LCLAT1: variants seen among roughly 807,000 people sequenced by gnomAD.
The protein encoded by LCLAT1 is lysocardiolipin acyltransferase 1.
LCLAT1 carries 11 observed loss-of-function variants against 30.7 expected under a neutral mutation model. The observed-to-expected ratio is 0.36, with a 90% CI of 0.23 to 0.59. The LOEUF is 0.59. Ranked by LOEUF, LCLAT1 falls within the 20% of genes least tolerant of loss-of-function variation. The pLI, the probability that LCLAT1 is intolerant of heterozygous loss-of-function variation, is 0.77. For synonymous variants in LCLAT1, 155 were observed against 151.3 expected, an observed-to-expected ratio of 1.02 and a Z score of -0.18; for missense variants, 402 against 458.6, an observed-to-expected ratio of 0.88 and a Z score of 1.13.
chr2:30,532,197 T>C (rs954999954), intron 2 of LCLAT1, among the ~76,000 whole-genome samples: 7 of 152,220 alleles, frequency 4.6e-5, no homozygotes, highest in African/African-American at 1.7e-4. Context: ...TAGGTACTTG[T>C]AGTTCATCTA....
chr2:30,604,438 C>T (rs956996796), intron 5 of LCLAT1, among the ~76,000 whole-genome samples: 2 of 152,086 alleles, frequency 1.3e-5, no homozygotes, highest in African/African-American at 2.4e-5. Context: ...GGTCGCTTTC[C>T]AAACTACTTA....
rs148639250 is a variant in LCLAT1 at position 30,476,570 on chromosome 2, T to A, written c.-5+29187T>A. On this transcript the variant is annotated intron_variant, in intron 1 of 5. Transcript: ENST00000379509. ...GATGATCTGTCACTGTCTCCTATCA[T>A]CCCCAGATAGGACCATCTAGTCTCA... The A allele has an allele frequency of 6.5e-4, 295 of 454,460 alleles. 6 individuals are homozygous for A. The East Asian group carries it at 0.018, about 28-fold the overall frequency. The allele number at this position is 454,460 out of a possible 1,614,324, so 28.2% of individuals were successfully genotyped here.
At chr2:30,558,140 T>C (rs1665020682) in intron 3 of LCLAT1, among the ~76,000 whole-genome samples, 1 of 152,132 alleles carries the variant, frequency 6.6e-6, no homozygotes, top group African/African-American at 2.4e-5. Context: ...GAGAAGAGTA[T>C]ATATTTATAT....
At chr2:30,506,933 C>T (rs1684692913) in intron 1 of LCLAT1, among the ~76,000 whole-genome samples, 1 of 152,122 alleles carries the variant, frequency 6.6e-6, no homozygotes, top group South Asian at 2.1e-4. Flanking sequence ...GTGAAGCTTA[C>T]AAGAAGAGTG....
intron 5 of LCLAT1, among the ~76,000 whole-genome samples, chr2:30,615,925 T>C (rs372106560): frequency 6.6e-6 from 1 of 152,186 alleles, no homozygotes; most frequent in Non-Finnish European, 1.5e-5. Flanking sequence ...AATCAGTGAA[T>C]TGATCAGCTT....
At chr2:30,455,909 CAAAAA>C (rs3060184) in intron 1 of LCLAT1, among the ~76,000 whole-genome samples, 5 of 60,996 alleles carry the variant, frequency 8.2e-5, no homozygotes, top group Admixed American at 2.3e-4. Context: ...GACCCTATAT[CAAAAA>C]AAAAAAAAAA....
chr2:30,470,896 TTTTA>T (rs1175336993), intron 1 of LCLAT1, among the ~76,000 whole-genome samples: 3 of 151,558 alleles, frequency 2.0e-5, no homozygotes, highest in African/African-American at 4.8e-5. Flanking sequence ...TTTATTTTCA[TTTTA>T]TTTATTTATT....
intron 5 of LCLAT1, among the ~76,000 whole-genome samples, chr2:30,622,419 G>T (rs1171468794): frequency 6.6e-6 from 1 of 152,080 alleles, no homozygotes; most frequent in Non-Finnish European, 1.5e-5. Flanking sequence ...GACAGCCCTA[G>T]GGCAAACTTG....
At chr2:30,532,106 T>A (rs548261676) in intron 2 of LCLAT1, among the ~76,000 whole-genome samples, 4 of 152,206 alleles carry the variant, frequency 2.6e-5, no homozygotes, top group African/African-American at 9.6e-5. Flanking sequence ...GAAAGTCTTA[T>A]ATATTGACAT....
At chr2:30,622,966 T>C (rs1476933172) in intron 5 of LCLAT1, among the ~76,000 whole-genome samples, 2 of 151,954 alleles carry the variant, frequency 1.3e-5, no homozygotes, top group African/African-American at 4.8e-5. Context: ...AATCTCTGAA[T>C]TGCCTGTAAA....
chr2:30,581,555 A>G (rs1294731258), intron 5 of LCLAT1, among the ~76,000 whole-genome samples: 1 of 152,236 alleles, frequency 6.6e-6, no homozygotes, highest in African/African-American at 2.4e-5. Context: ...GTGTAAGTAT[A>G]TACAATGGCG....
intron 5 of LCLAT1, among the ~76,000 whole-genome samples, chr2:30,610,606 C>T (rs1667691460): frequency 6.6e-6 from 1 of 152,100 alleles, no homozygotes; most frequent in South Asian, 2.1e-4. Context: ...TCTGATGTCA[C>T]TCTGCTAAAT....
intron 5 of LCLAT1, among the ~76,000 whole-genome samples, chr2:30,610,707 A>G (rs1020485272): frequency 6.6e-6 from 1 of 152,130 alleles, no homozygotes; most frequent in Non-Finnish European, 1.5e-5. Flanking sequence ...GAGTTAGTAC[A>G]TTCTTGTGTT....
At chr2:30,575,074 G>A (rs1269767338) in intron 5 of LCLAT1, among the ~76,000 whole-genome samples, 1 of 152,104 alleles carries the variant, frequency 6.6e-6, no homozygotes, top group Non-Finnish European at 1.5e-5. Flanking sequence ...TGGGACACAT[G>A]ACTGTGTCTT....
chr2:30,516,345 G>A (rs887232982), intron 1 of LCLAT1, among the ~76,000 whole-genome samples: 3 of 152,072 alleles, frequency 2.0e-5, no homozygotes, highest in Admixed American at 6.6e-5. Context: ...GCTGAACGTC[G>A]CCGTCGCAGA....
intron 5 of LCLAT1, among the ~76,000 whole-genome samples, chr2:30,592,672 A>T (rs1239349011): frequency 6.6e-6 from 1 of 152,226 alleles, no homozygotes; most frequent in Non-Finnish European, 1.5e-5. Flanking sequence ...CATACATTTT[A>T]GTAGCATCTA....
chr2:30,600,796 G>A (rs564086576), intron 5 of LCLAT1, among the ~76,000 whole-genome samples: 24 of 152,158 alleles, frequency 1.6e-4, no homozygotes, highest in African/African-American at 5.3e-4. Context: ...TCTTACTGGG[G>A]TTCTTGGGTT....
chr2:30,638,182 GA>G (rs1286150946), intron 5 of LCLAT1, among the ~76,000 whole-genome samples: 14 of 152,176 alleles, frequency 9.2e-5, no homozygotes, highest in Admixed American at 8.5e-4. Flanking sequence ...AACATTTGCA[GA>G]AAACTTGAAT....
chr2:30,639,177 C>T (rs1669179294), intron 5 of LCLAT1, among the ~76,000 whole-genome samples: 1 of 152,206 alleles, frequency 6.6e-6, no homozygotes, highest in African/African-American at 2.4e-5. Flanking sequence ...GTGTTCCCAT[C>T]CCCACTGTGC....
Sources: allele counts gnomAD v4.1 joint callset (sites outside exome capture counted in the v4.1 genomes callset), GRCh38; gene constraint gnomAD v4.1.1; transcripts MANE v1.5; gene names NCBI Gene and HGNC (gene_info 2026-07-23, HGNC 2026-07-21).